The following AUTS2 variants were observed in gnomAD, a reference collection of about 807,000 sequenced individuals.
AUTS2 encodes the protein activator of transcription and developmental regulator AUTS2.
In AUTS2, 17 loss-of-function variants were observed where a neutral mutation model predicts 112.4. That is an observed-to-expected ratio of 0.15 (90% CI 0.10 to 0.23). The LOEUF is 0.23. AUTS2 is among the 10% of genes least tolerant of loss of function. The pLI is 1.00. For synonymous variants in AUTS2, 751 were observed against 702.7 expected (o/e 1.07, Z -1.09); for missense variants, 1,510 against 1,701.6 (o/e 0.89, Z 1.98).
At chr7:69,628,077 T>C (rs1419007912) in intron 1 of AUTS2, among the ~76,000 whole-genome samples, 1 of 152,174 alleles carries the variant, frequency 6.6e-6, no homozygotes, top group Admixed American at 6.5e-5. Context: ...CAGTAATGTG[T>C]CGGTAATGTG....
intron 5 of AUTS2, among the ~76,000 whole-genome samples, chr7:70,521,950 T>A (rs539635226): frequency 6.6e-6 from 1 of 152,136 alleles, no homozygotes; most frequent in Non-Finnish European, 1.5e-5. Context: ...ATTGAGAGGA[T>A]CACATGAAAT....
Position 70,617,159 on chromosome 7 carries a change from C to A in AUTS2, c.691-81410C>A, listed in dbSNP as rs550911602. Among the ~76,000 whole-genome samples, 5 of 152,276 alleles carry A rather than the reference C, an allele frequency of 3.3e-5. No individual in the cohort carries two copies. The South Asian group carries it at 1.0e-3, about 32-fold the overall frequency. On this transcript the variant is annotated intron_variant, in intron 5 of 18. Transcript: ENST00000342771. ...TCTTCAAGACTTTCTTGGCCTTTCCCTCATGAGATGCACCTTCTAGCATCA... is the reference window on the plus strand; with the variant it reads ...TCTTCAAGACTTTCTTGGCCTTTCCATCATGAGATGCACCTTCTAGCATCA...
At chr7:69,891,830 G>A (rs9638575) in intron 1 of AUTS2, among the ~76,000 whole-genome samples, 32,093 of 98,994 alleles carry the variant, frequency 0.32, 3,930 homozygotes, top group Middle Eastern at 0.51. Context: ...GTATCTCTCT[G>A]TCATCCAGGC....
intron 1 of AUTS2, among the ~76,000 whole-genome samples, chr7:69,696,886 GTAAT>G (rs1797584619): frequency 6.6e-6 from 1 of 152,238 alleles, no homozygotes. Flanking sequence ...CATTGCATAT[GTAAT>G]TAATTAACAC....
chr7:70,270,925 A>G (rs1345783445), intron 4 of AUTS2, among the ~76,000 whole-genome samples: 2 of 152,076 alleles, frequency 1.3e-5, no homozygotes, highest in African/African-American at 4.8e-5. Context: ...TTGACTGAAG[A>G]CAGAAGTCCT....
chr7:69,762,760 A>T (rs1046358396), intron 1 of AUTS2, among the ~76,000 whole-genome samples: 3 of 152,006 alleles, frequency 2.0e-5, no homozygotes, highest in Admixed American at 6.6e-5. Context: ...CATGCCATTT[A>T]AAAAAAAGTA....
rs767072036 is a variant in AUTS2 at position 69,949,441 on chromosome 7, G to A, written c.522+49943G>A. On this transcript the variant is annotated intron_variant, in intron 2 of 18. Transcript: ENST00000342771. Reference sequence around the variant, plus strand: ...ACATTTTTATAGATAAGGTGGCTGAGACTTAGAAAAAGCTAACACCACTTG... The same window carrying A: ...ACATTTTTATAGATAAGGTGGCTGAAACTTAGAAAAAGCTAACACCACTTG... Among the ~76,000 whole-genome samples the A allele has an allele frequency of 3.3e-5, 5 of 152,174 alleles. No homozygotes were observed. In the East Asian group the frequency reaches 7.7e-4, roughly 23 times the overall value.
At chr7:70,593,378 A>G (rs567630122) in intron 5 of AUTS2, among the ~76,000 whole-genome samples, 2 of 152,212 alleles carry the variant, frequency 1.3e-5, no homozygotes, top group Non-Finnish European at 2.9e-5. Context: ...AAAATCAAGG[A>G]GCTGTGATTT....
At chr7:70,056,080 C>T (rs371887405) in intron 2 of AUTS2, among the ~76,000 whole-genome samples, 1 of 152,004 alleles carries the variant, frequency 6.6e-6, no homozygotes, top group African/African-American at 2.4e-5. Flanking sequence ...CTCCACCTCC[C>T]GGGTTCTAGC....
chr7:70,135,912 T>C (rs1241628086), intron 4 of AUTS2, among the ~76,000 whole-genome samples: 1 of 152,120 alleles, frequency 6.6e-6, no homozygotes, highest in Admixed American at 6.6e-5. Context: ...ATATCTATTC[T>C]CCATCCAAAA....
chr7:69,734,512 G>A (rs937314095), intron 1 of AUTS2, among the ~76,000 whole-genome samples: 6 of 151,824 alleles, frequency 4.0e-5, no homozygotes, highest in African/African-American at 1.5e-4. Context: ...GGGCTAGATA[G>A]ATAGTATGAA....
chr7:70,303,534 T>A (rs1789343012), intron 4 of AUTS2, among the ~76,000 whole-genome samples: 1 of 152,024 alleles, frequency 6.6e-6, no homozygotes, highest in East Asian at 1.9e-4. Flanking sequence ...TGGTTTTCCT[T>A]TGGCCACACT....
chr7:70,554,509 C>T (rs1801166189), intron 5 of AUTS2, among the ~76,000 whole-genome samples: 1 of 151,586 alleles, frequency 6.6e-6, no homozygotes, highest in Non-Finnish European at 1.5e-5. Context: ...TTAATAACCC[C>T]CAACCCACCC....
At chr7:70,296,799 T>G (rs1788957199) in intron 4 of AUTS2, among the ~76,000 whole-genome samples, 1 of 151,996 alleles carries the variant, frequency 6.6e-6, no homozygotes, top group South Asian at 2.1e-4. Context: ...CTGAGGAAAT[T>G]AACATATCAA....
At chr7:69,914,396 A>ACACACACACAC (rs1554403946) in intron 2 of AUTS2, among the ~76,000 whole-genome samples, 1 of 108,662 alleles carries the variant, frequency 9.2e-6, no homozygotes, top group African/African-American at 3.9e-5. Context: ...CACACACACA[A>ACACACACACAC]ACAATCCAGA....
chr7:70,071,881 CACCTGTGATG>C (rs923424784), intron 2 of AUTS2, among the ~76,000 whole-genome samples: 2 of 152,190 alleles, frequency 1.3e-5, no homozygotes, highest in African/African-American at 4.8e-5. Context: ...AGTCCTGTGT[CACCTGTGATG>C]ACCCATGAGA....
intron 1 of AUTS2, among the ~76,000 whole-genome samples, chr7:69,718,692 A>C (rs1279764160): frequency 6.6e-6 from 1 of 152,156 alleles, no homozygotes; most frequent in Non-Finnish European, 1.5e-5. Context: ...TGCTATGTGT[A>C]GTAACATATT....
intron 2 of AUTS2, among the ~76,000 whole-genome samples, chr7:69,906,205 CTG>C (rs1335031146): frequency 5.9e-5 from 9 of 152,274 alleles, no homozygotes; most frequent in Non-Finnish European, 1.2e-4. Flanking sequence ...TTATTTGAAA[CTG>C]TGTATTTTTG....
At chr7:69,872,831 A>ATTTTTTTTTTTTTTTTTTTTT (rs1793558367) in intron 1 of AUTS2, among the ~76,000 whole-genome samples, 1 of 90,536 alleles carries the variant, frequency 1.1e-5, no homozygotes, top group Non-Finnish European at 2.2e-5. Context: ...TGTAGCCTAT[A>ATTTTTTTTTTTTTTTTTTTTT]TTCTTTTTTT....
Sources: allele counts gnomAD v4.1 joint callset (sites outside exome capture counted in the v4.1 genomes callset), GRCh38; gene constraint gnomAD v4.1.1; transcripts MANE v1.5; gene names NCBI Gene and HGNC (gene_info 2026-07-23, HGNC 2026-07-21).